The following PAK1 variants were observed in gnomAD, a reference collection of about 807,000 sequenced individuals.
The protein encoded by PAK1 is serine/threonine-protein kinase PAK 1.
A neutral mutation model predicts 67.4 loss-of-function variants in PAK1; 29 were observed. The ratio of observed to expected loss-of-function variants is 0.43; its 90% CI spans 0.32 to 0.59. The LOEUF (loss-of-function observed/expected upper bound fraction) is 0.59. PAK1 is among the 20% of genes least tolerant of loss of function. The probability of loss-of-function intolerance (pLI) is 0.07; values close to 1 mark genes in which losing one functional copy is unlikely to be tolerated. For missense variants in PAK1, 337 were observed against 670.7 expected, an observed-to-expected ratio of 0.50 and a Z score of 5.50; for synonymous variants, 223 against 237.4, an observed-to-expected ratio of 0.94 and a Z score of 0.56.
chr11:77,404,938 CAAAT>C (rs1328841925), intron 1 of PAK1, among the ~76,000 whole-genome samples: 13 of 152,200 alleles, frequency 8.5e-5, no homozygotes, highest in Middle Eastern at 3.4e-3. Context: ...GAGAAATACA[CAAAT>C]AAATACACAA....
At chr11:77,436,106 C>A (rs1294126628) in intron 1 of PAK1, among the ~76,000 whole-genome samples, 2 of 152,106 alleles carry the variant, frequency 1.3e-5, no homozygotes, top group African/African-American at 4.8e-5. Context: ...AGACCATGAC[C>A]GCCACATCAC....
At chr11:77,377,795 A>G (rs1049144305) in intron 4 of PAK1, among the ~76,000 whole-genome samples, 15 of 152,238 alleles carry the variant, frequency 9.9e-5, no homozygotes, top group Non-Finnish European at 1.8e-4. Flanking sequence ...TGATGTTTCC[A>G]TGACAAGTTC....
the PAK1 span, among the ~76,000 whole-genome samples, chr11:77,523,859 T>C: frequency 1.3e-5 from 2 of 152,242 alleles, no homozygotes; most frequent in Non-Finnish European, 2.9e-5. Context: ...AGCTCCAGTT[T>C]CTCAGTGTCA....
chr11:77,372,088 T>C (rs1279758067), intron 5 of PAK1, among the ~76,000 whole-genome samples: 2 of 152,228 alleles, frequency 1.3e-5, no homozygotes, highest in African/African-American at 4.8e-5. Context: ...CATAAGTAAT[T>C]GTGAGGCTAA....
intron 14 of PAK1, among the ~76,000 whole-genome samples, chr11:77,325,042 T>G (rs145693683): frequency 6.6e-6 from 1 of 152,358 alleles, no homozygotes; most frequent in South Asian, 2.1e-4. Flanking sequence ...CTTTTATGAT[T>G]TGTGATTCTC....
intron 9 of PAK1, among the ~76,000 whole-genome samples, chr11:77,348,427 G>C (rs1223165747): frequency 6.6e-6 from 1 of 152,166 alleles, no homozygotes; most frequent in Non-Finnish European, 1.5e-5. Flanking sequence ...TTTAGCTATA[G>C]TTCTCATGGC....
intron 9 of PAK1, chr11:77,347,112 C>A (rs773494627): frequency 2.2e-6 from 1 of 455,744 alleles, no homozygotes; most frequent in Non-Finnish European, 4.4e-6. Context: ...CCTGACCACA[C>A]TGCATTAGCC....
At chr11:77,455,824 CAA>C (rs1957056025) in intron 1 of PAK1, 1 of 152,108 alleles carries the variant, frequency 6.6e-6, no homozygotes, top group Non-Finnish European at 1.5e-5. Flanking sequence ...ACCCCATTTG[CAA>C]AAGTTATCCA....
At chr11:77,445,045 A>G (rs914491245) in intron 1 of PAK1, among the ~76,000 whole-genome samples, 1 of 152,220 alleles carries the variant, frequency 6.6e-6, no homozygotes, top group Non-Finnish European at 1.5e-5. Context: ...TAGAGTAGTT[A>G]CAGACGTAAT....
chr11:77,417,273 T>C lies in PAK1; in HGVS notation c.-21-24732A>G, dbSNP rs572164911. Among the ~76,000 whole-genome samples, 5 of 152,310 alleles carry C rather than the reference T, an allele frequency of 3.3e-5. No individual in the cohort carries two copies. In the South Asian group the frequency reaches 1.0e-3, roughly 32 times the overall value. ...GACTGAATGAATAAACTGTGGTATG[T>C]CATACAATATAGTATTATTCAGTAA... On this transcript the variant is annotated intron_variant, in intron 1 of 14. Coordinates refer to ENST00000356341, the MANE Select transcript of PAK1 (RefSeq NM_002576.5).
intron 13 of PAK1, 37 bp from the exon 14 acceptor site, chr11:77,332,904 A>AT (rs1290105566): frequency 6.2e-7 from 1 of 1,604,652 alleles, no homozygotes; most frequent in South Asian, 1.1e-5. Flanking sequence ...TGAGCTCCAA[A>AT]TGAGGCTCTC....
chr11:77,523,118 T>TAC, the PAK1 span, among the ~76,000 whole-genome samples: 1 of 152,146 alleles, frequency 6.6e-6, no homozygotes, highest in Admixed American at 6.5e-5. Flanking sequence ...ACTTGTTGGG[T>TAC]ACTATGCTCA....
At chr11:77,417,279 A>G (rs1198550104) in intron 1 of PAK1, among the ~76,000 whole-genome samples, 1 of 152,238 alleles carries the variant, frequency 6.6e-6, no homozygotes, top group African/African-American at 2.4e-5. Context: ...TATGTCATAC[A>G]ATATAGTATT....
At chr11:77,400,360 A>C (rs1190993155) in intron 1 of PAK1, among the ~76,000 whole-genome samples, 2 of 152,194 alleles carry the variant, frequency 1.3e-5, no homozygotes, top group African/African-American at 4.8e-5. Flanking sequence ...AAAATGGTCC[A>C]TTCTAAGCAG....
chr11:77,421,302 C>G (rs1034531243), intron 1 of PAK1, among the ~76,000 whole-genome samples: 1 of 152,184 alleles, frequency 6.6e-6, no homozygotes, highest in Non-Finnish European at 1.5e-5. Flanking sequence ...AACACATTTC[C>G]CCTCAGATAA....
chr11:77,353,026 T>G (rs1945489441), intron 8 of PAK1: 2 of 152,762 alleles, frequency 1.3e-5, no homozygotes, highest in Non-Finnish European at 2.9e-5. Flanking sequence ...TCATAGTGCC[T>G]TGCACACAAT....
the PAK1 span, among the ~76,000 whole-genome samples, chr11:77,482,688 A>G: frequency 5.8e-4 from 87 of 149,994 alleles, 1 homozygote; most frequent in Non-Finnish European, 4.6e-4. Flanking sequence ...CGACCTCCTG[A>G]GCTCAAGCAA....
chr11:77,497,866 T>C, the PAK1 span, among the ~76,000 whole-genome samples: 2 of 152,234 alleles, frequency 1.3e-5, no homozygotes, highest in East Asian at 3.8e-4. Context: ...ATATTAATCT[T>C]CACAATGGCA....
At position 77,355,659 on chromosome 11, in the gene PAK1, A is replaced by G; in HGVS notation, c.772+9T>C. On this transcript the variant is annotated intron_variant, in intron 7 of 14. Coordinates refer to ENST00000356341, the MANE Select transcript of PAK1 (RefSeq NM_002576.5). ...CGAAGAAAGGTTCAGAAAGCTACAA[A>G]TTCCTTACGTAATTTCTCCAAGATC... 6.2e-7 allele frequency: 1 copy of G among 1,609,434 alleles called. No homozygotes were observed. The highest frequency in any genetic ancestry group is 8.5e-7 in the Non-Finnish European group (1 of 1,176,190).
Sources: allele counts gnomAD v4.1 joint callset (sites outside exome capture counted in the v4.1 genomes callset), GRCh38; gene constraint gnomAD v4.1.1; transcripts MANE v1.5; gene names NCBI Gene and HGNC (gene_info 2026-07-23, HGNC 2026-07-21).